The following ATG16L2 variants were observed in gnomAD, a reference collection of about 807,000 sequenced individuals.
ATG16L2 encodes protein Atg16l2.
Under a neutral mutation model 84.7 loss-of-function variants are expected in ATG16L2, and 77 were observed. The ratio of observed to expected loss-of-function variants is 0.91; its 90% CI spans 0.76 to 1.10. The LOEUF (loss-of-function observed/expected upper bound fraction) is 1.10. Among genes scored for constraint, ATG16L2 ranks in the 50% least tolerant of loss-of-function variants. The pLI is 0.00. For synonymous variants in ATG16L2, 361 were observed against 342.8 expected, an observed-to-expected ratio of 1.05 and a Z score of -0.59; for missense variants, 782 against 817.6, an observed-to-expected ratio of 0.96 and a Z score of 0.53.
At position 72,821,755 on chromosome 11, in the gene ATG16L2, G is replaced by C; in HGVS notation, c.392+14G>C. The C allele has an allele frequency of 6.5e-7, 1 of 1,533,256 alleles. No individual in the cohort carries two copies. The highest frequency in any genetic ancestry group is 8.7e-7 in the Non-Finnish European group (1 of 1,145,076). 95.0% of individuals were successfully genotyped at this position (1,533,256 alleles called of 1,614,324 possible). On this transcript the variant is annotated intron_variant, in intron 4 of 17. Coordinates refer to ENST00000321297, the MANE Select transcript of ATG16L2 (RefSeq NM_033388.2). ...GAGGCAAAGCAGGTGAGGCGCGGGC[G>C]GGGGCGGGAGGGACCGCGCCCACCT...
At chr11:72,828,801 G>A (rs977705949) in intron 16 of ATG16L2, 25 bp downstream of exon 16, 6 of 1,614,068 alleles carry the variant, frequency 3.7e-6, no homozygotes, top group African/African-American at 2.7e-5. Flanking sequence ...GCATATGCCT[G>A]TGTCCAAGTG....
intron 3 of ATG16L2, chr11:72,821,395 C>T (rs2135091096): frequency 7.9e-7 from 1 of 1,263,176 alleles, no homozygotes; most frequent in Non-Finnish European, 1.0e-6. Flanking sequence ...GCGGGTTGCT[C>T]TTGCCAGAGA....
chr11:72,828,756 C>G lies in ATG16L2; in HGVS notation c.1650C>G (p.Asp550Glu). The change falls in exon 16 of 18, where the codon GAC (aspartate) becomes GAG (glutamate). Residue 550 changes from aspartate (D) to glutamate (E), a missense_variant. By Grantham distance (45) the Asp-to-Glu change is conservative (BLOSUM62 2). Transcript: ENST00000321297. ...CCGATGGCTTCAAGTGTGGTTCTGA[C>G]TGGACCAAAGCTGTGTTCAGGTATG... ...FRADGFKCGS[D>E]WTKAVFSPDR... The G allele has an allele frequency of 6.2e-7, 1 of 1,614,196 alleles. No individual in the cohort carries two copies. Among genetic ancestry groups the G allele is most frequent in the Non-Finnish European group, 8.5e-7 (1 of 1,180,028 alleles).
chr11:72,829,545 T>C lies in ATG16L2; in HGVS notation c.*155T>C. On this transcript the variant is annotated 3_prime_UTR_variant, in exon 18 of 18. Coordinates refer to ENST00000321297, the MANE Select transcript of ATG16L2 (RefSeq NM_033388.2). The stretch of plus-strand genomic sequence containing the variant: ...CTGGCCTGTTTGTTTAAAAATGAAG[T>C]ATGGGTTGGGGGATTACGCTAGTTT... 7.1e-7 allele frequency: 1 copy of C among 1,412,008 alleles called. No individual in the cohort carries two copies. The highest frequency in any genetic ancestry group is 2.6e-5 in the East Asian group (1 of 38,832). 87.5% of individuals were successfully genotyped at this position (1,412,008 alleles called of 1,614,324 possible).
rs771442871 is a variant in ATG16L2, at chr11:72,828,911, T to C, written c.1699T>C (p.Ser567Pro). 1 of 1,614,120 alleles carries C rather than the reference T, an allele frequency of 6.2e-7. No homozygotes were observed. Among genetic ancestry groups the C allele is most frequent in the Non-Finnish European group, 8.5e-7 (1 of 1,180,014 alleles). Residue 567 changes from serine to proline, a missense_variant, in exon 17 of 18, where the codon TCC becomes CCC. By Grantham distance (74) the Ser-to-Pro change is moderately conservative. Coordinates refer to ENST00000321297, the MANE Select transcript of ATG16L2 (RefSeq NM_033388.2). ...GGACAGAAGCTATGCACTGGCAGGCTCCTGTGATGGGGCCCTTTACATCTG... is the reference window on the plus strand; with the variant it reads ...GGACAGAAGCTATGCACTGGCAGGCCCCTGTGATGGGGCCCTTTACATCTG... Reference protein sequence around the residue: ...SPDRSYALAGSCDGALYIWDV... With the variant: ...SPDRSYALAGPCDGALYIWDV...
In ATG16L2 at chr11:72,821,658, C is replaced by A. The variant is rs1489128280; in HGVS notation, c.319-10C>A. On this transcript the variant is annotated splice_polypyrimidine_tract_variant and intron_variant, in intron 3 of 17. Transcript: ENST00000321297. ...CCTCAGCGCCGCCGTGCCCACCTGT[C>A]CGCCCCCAGATGGCCTACCAGGTGG... The A allele has an allele frequency of 6.5e-7, 1 of 1,533,274 alleles. No individual in the cohort carries two copies. The highest frequency in any genetic ancestry group is 8.7e-7 in the Non-Finnish European group (1 of 1,144,516). 95.0% of individuals were successfully genotyped at this position (1,533,274 alleles called of 1,614,324 possible). A position where few individuals can be genotyped will look rare whatever the true frequency, so the allele number is the denominator to read the frequency against.
Position 72,828,754 on chromosome 11 carries a change from G to A in ATG16L2, c.1648G>A (p.Asp550Asn). ...FRADGFKCGS[D>N]WTKAVFSPDR... is the part of the protein sequence containing the mutation. Reference sequence around the variant, plus strand: ...GGCCGATGGCTTCAAGTGTGGTTCTGACTGGACCAAAGCTGTGTTCAGGTA... The same window carrying A: ...GGCCGATGGCTTCAAGTGTGGTTCTAACTGGACCAAAGCTGTGTTCAGGTA... The change falls in exon 16 of 18, where the codon GAC (aspartate) becomes AAC (asparagine). Residue 550 changes from aspartate (D) to asparagine (N), a missense_variant. Coordinates refer to ENST00000321297, the MANE Select transcript of ATG16L2 (RefSeq NM_033388.2). The A allele has an allele frequency of 6.2e-7, 1 of 1,614,206 alleles. No homozygotes were observed. Among genetic ancestry groups the A allele is most frequent in the Non-Finnish European group, 8.5e-7 (1 of 1,180,032 alleles).
At chr11:72,823,711 C>T (rs922292972) in intron 7 of ATG16L2, 4 of 477,356 alleles carry the variant, frequency 8.4e-6, no homozygotes, top group African/African-American at 7.8e-5. Context: ...GCCTAGGCTC[C>T]CCCCTCCTCC....
chr11:72,827,541 T>G (rs561984740), intron 14 of ATG16L2, among the ~76,000 whole-genome samples: 13 of 152,210 alleles, frequency 8.5e-5, no homozygotes, highest in Non-Finnish European at 1.6e-4. Flanking sequence ...GATGGAGATG[T>G]ACCTTTTTCC....
intron 3 of ATG16L2, 92 bp downstream of exon 3, chr11:72,817,947 C>T: frequency 1.8e-6 from 2 of 1,142,518 alleles, no homozygotes; most frequent in Non-Finnish European, 1.2e-6. Flanking sequence ...CTGAATTCTC[C>T]AAGCCCAGTG....
Position 72,826,729 on chromosome 11 carries a change from G to A in ATG16L2, c.1272G>A (p.Lys424=). 3 of 1,614,152 alleles carry A rather than the reference G, an allele frequency of 1.9e-6. No homozygotes were observed. In the East Asian group the frequency reaches 6.7e-5, roughly 36 times the overall value. ...AGACACTGTCTGGACACAAGGATAA[G>A]GTGACAGCTGCCAAATTCAAGCTAA... is the stretch of plus-strand genomic sequence containing the variant. ...SKETLSGHKD[K]VTAAKFKLTR... Residue 424 remains lysine (K), a synonymous_variant, in exon 13 of 18, where the codon AAG becomes AAA. Transcript: ENST00000321297.
At chr11:72,826,916 T>C (rs529556043) in intron 13 of ATG16L2, 93 bp downstream of exon 13, 46 of 1,448,060 alleles carry the variant, frequency 3.2e-5, no homozygotes, top group Non-Finnish European at 1.9e-6. Flanking sequence ...TGGGAGTGGC[T>C]CTGAGATTCA....
chr11:72,841,735 T>C (rs1418386217), intron 5 of ATG16L2, among the ~76,000 whole-genome samples: 2 of 152,192 alleles, frequency 1.3e-5, no homozygotes, highest in African/African-American at 4.8e-5. Flanking sequence ...GAGCATTAAA[T>C]AACCACCTCA....
At chr11:72,824,143 G>A in intron 8 of ATG16L2, 21 bp downstream of exon 8, 2 of 1,614,128 alleles carry the variant, frequency 1.2e-6, no homozygotes, top group African/African-American at 1.3e-5. Context: ...GTGTGCCTGT[G>A]TGTGCACCCA....
At chr11:72,836,507 T>C (rs56060052) in intron 5 of ATG16L2, among the ~76,000 whole-genome samples, 1 of 152,106 alleles carries the variant, frequency 6.6e-6, no homozygotes, top group African/African-American at 2.4e-5. Context: ...TTCTTTTTTT[T>C]CCCATGGGAA....
At position 72,817,799 on chromosome 11, in the gene ATG16L2, G is replaced by A. The variant is rs1366334064; in HGVS notation, c.262G>A (p.Ala88Thr). The change falls in exon 3 of 18, where the codon GCA becomes ACA. Residue 88 changes from alanine to threonine, a missense_variant. Coordinates refer to ENST00000321297, the MANE Select transcript of ATG16L2 (RefSeq NM_033388.2). The stretch of plus-strand genomic sequence containing the variant: ...CTCAGACCAAGTCCCATCACTGGTC[G>A]CACTGAGGGTGAAGTGGCAGGAGGA... Reference protein sequence around the residue: ...LDSDQVPSLVALRVKWQEEEE... With the variant: ...LDSDQVPSLVTLRVKWQEEEE... 36 of 1,613,370 alleles carry A rather than the reference G, an allele frequency of 2.2e-5. No homozygotes were observed. The highest frequency in any genetic ancestry group is 2.8e-5 in the Non-Finnish European group (33 of 1,180,022).
downstream of ATG16L2, chr11:72,843,712 A>C (rs1291630220): frequency 5.1e-6 from 3 of 587,388 alleles, no homozygotes; most frequent in Non-Finnish European, 9.0e-6. Flanking sequence ...TAAAAAACTA[A>C]ACAGAATAAA....
In ATG16L2 at chr11:72,822,381, G is replaced by C. The variant is rs144019051; in HGVS notation, c.644+86G>C. 1.4e-3 allele frequency: 2,276 copies of C among 1,584,162 alleles called. 29 individuals are homozygous for C. The African/African-American group carries it at 0.026, about 18-fold the overall frequency. ...GCCTCGCCGGTGTCTGGAAGGGAGG[G>C]GGGCAGCAGCCGCCCCCTGGAGGAA... On this transcript the variant is annotated intron_variant, in intron 5 of 17. Coordinates refer to ENST00000321297, the MANE Select transcript of ATG16L2 (RefSeq NM_033388.2). The surrounding 1 kb of genome is among the most constrained non-coding windows in gnomAD (Gnocchi z 4.2).
chr11:72,821,199 TGA>T (rs1859971471), intron 3 of ATG16L2: 2 of 986,952 alleles, frequency 2.0e-6, no homozygotes, highest in Non-Finnish European at 2.4e-6. Flanking sequence ...GTCTGTGAAG[TGA>T]GAGTGGCAGT....
Sources: allele counts gnomAD v4.1 joint callset (sites outside exome capture counted in the v4.1 genomes callset), GRCh38; gene constraint gnomAD v4.1.1; non-coding constraint Gnocchi (gnomAD v3.1); transcripts MANE v1.5; gene names NCBI Gene and HGNC (gene_info 2026-07-23, HGNC 2026-07-21).